The following PARP8 variants were observed in gnomAD, a reference collection of about 807,000 sequenced individuals.
PARP8 encodes the protein poly(ADP-ribose) polymerase family member 8.
In PARP8, 51 loss-of-function variants were observed where a neutral mutation model predicts 124.1. That is an observed-to-expected ratio of 0.41 (90% CI 0.33 to 0.52). The LOEUF (loss-of-function observed/expected upper bound fraction) is 0.52, where lower values mean the gene tolerates loss of function less well. Among genes scored for constraint, PARP8 ranks in the 20% least tolerant of loss-of-function variants. The pLI, the probability that PARP8 is intolerant of heterozygous loss-of-function variation, is 0.21. For synonymous variants in PARP8, 391 were observed against 361.5 expected (o/e 1.08, Z -0.93); for missense variants, 860 against 1,018.9 (o/e 0.84, Z 2.12).
chr5:50,763,844 G>C (rs114927848), intron 7 of PARP8, among the ~76,000 whole-genome samples: 237 of 152,206 alleles, frequency 1.6e-3, no homozygotes, highest in African/African-American at 5.5e-3. Flanking sequence ...CCAGGAGTCA[G>C]CTCTGGTTAT....
At chr5:50,799,031 T>G (rs1742890572) in intron 14 of PARP8, among the ~76,000 whole-genome samples, 1 of 152,238 alleles carries the variant, frequency 6.6e-6, no homozygotes, top group African/African-American at 2.4e-5. Flanking sequence ...TGTCATTTCA[T>G]TTTTTAAAGG....
chr5:50,823,870 G>T (rs1421651614), intron 17 of PARP8, among the ~76,000 whole-genome samples: 1 of 152,210 alleles, frequency 6.6e-6, no homozygotes, highest in Non-Finnish European at 1.5e-5. Context: ...TGTGACCTGT[G>T]ACCTTGGGCA....
intron 25 of PARP8, among the ~76,000 whole-genome samples, chr5:50,840,459 C>A (rs745951822): frequency 2.0e-5 from 3 of 151,674 alleles, no homozygotes; most frequent in African/African-American, 7.3e-5. Context: ...TGCTGGATGA[C>A]GGTACATCAA....
chr5:50,673,341 G>A (rs1269240053), intron 2 of PARP8, among the ~76,000 whole-genome samples: 1 of 152,038 alleles, frequency 6.6e-6, no homozygotes, highest in Non-Finnish European at 1.5e-5. Flanking sequence ...TTTAACATAA[G>A]TATAACTTTA....
At chr5:50,754,150 T>TATACAC (rs1312947286) in intron 3 of PARP8, among the ~76,000 whole-genome samples, 103 of 37,094 alleles carry the variant, frequency 2.8e-3, no homozygotes, top group Middle Eastern at 0.011. Flanking sequence ...TATATATATA[T>TATACAC]ACACACACAC....
intron 14 of PARP8, among the ~76,000 whole-genome samples, chr5:50,802,864 G>A (rs1743389453): frequency 6.6e-6 from 1 of 152,080 alleles, no homozygotes; most frequent in African/African-American, 2.4e-5. Flanking sequence ...ATATATTTGT[G>A]TGCAGTCCTT....
chr5:50,791,973 C>T (rs893053829), intron 10 of PARP8, among the ~76,000 whole-genome samples: 10 of 152,284 alleles, frequency 6.6e-5, no homozygotes, highest in East Asian at 5.8e-4. Flanking sequence ...ATAATACTGA[C>T]TGCTCTAGTG....
intron 4 of PARP8, among the ~76,000 whole-genome samples, 164 bp from the exon 5 acceptor site, chr5:50,760,128 G>A (rs1326364471): frequency 2.6e-5 from 4 of 152,070 alleles, no homozygotes; most frequent in Non-Finnish European, 5.9e-5. Flanking sequence ...AATAGCTTGC[G>A]TATTGTGTAA....
chr5:50,794,484 A>G (rs547297525), intron 11 of PARP8, 152 bp downstream of exon 11: 30 of 861,366 alleles, frequency 3.5e-5, no homozygotes, highest in Non-Finnish European at 4.7e-5. Context: ...CATCAAAAAC[A>G]TATTCATTTC....
At chr5:50,681,130 G>A (rs1234243728) in intron 2 of PARP8, among the ~76,000 whole-genome samples, 1 of 151,964 alleles carries the variant, frequency 6.6e-6, no homozygotes, top group Non-Finnish European at 1.5e-5. Context: ...ATAACTAGAA[G>A]AATCATACAA....
At chr5:50,752,180 T>C (rs1759331811) in intron 3 of PARP8, among the ~76,000 whole-genome samples, 1 of 152,100 alleles carries the variant, frequency 6.6e-6, no homozygotes, top group Admixed American at 6.6e-5. Flanking sequence ...TGTTGAGGTG[T>C]CATATCTACT....
chr5:50,796,907 A>G, intron 12 of PARP8, 75 bp from the exon 13 acceptor site: 1 of 1,265,034 alleles, frequency 7.9e-7, no homozygotes, highest in Non-Finnish European at 1.1e-6. Flanking sequence ...CACTATTGCA[A>G]AGAGTAAAAG....
chr5:50,671,780 A>G (rs1388811085), intron 2 of PARP8, among the ~76,000 whole-genome samples: 1 of 152,164 alleles, frequency 6.6e-6, no homozygotes, highest in Non-Finnish European at 1.5e-5. Flanking sequence ...TTTCCCAATT[A>G]AGGAGTATGA....
At chr5:50,709,889 G>C (rs1754555199) in intron 2 of PARP8, among the ~76,000 whole-genome samples, 1 of 136,410 alleles carries the variant, frequency 7.3e-6, no homozygotes, top group South Asian at 2.3e-4. Flanking sequence ...GTGTTGGGGG[G>C]GAGAGACTAT....
intron 23 of PARP8, among the ~76,000 whole-genome samples, chr5:50,833,143 A>G (rs1352532011): frequency 6.6e-6 from 1 of 152,142 alleles, no homozygotes. Context: ...CCTACATCCT[A>G]CTGAGGGGTA....
intron 9 of PARP8, among the ~76,000 whole-genome samples, chr5:50,780,029 A>G (rs1740492523): frequency 6.6e-6 from 1 of 152,152 alleles, no homozygotes; most frequent in Non-Finnish European, 1.5e-5. Flanking sequence ...AAGAAAAGGA[A>G]TTTCTCATAA....
At chr5:50,757,248 A>G (rs770330661) in intron 3 of PARP8, 4 of 441,250 alleles carry the variant, frequency 9.1e-6, no homozygotes, top group Admixed American at 2.5e-5. Context: ...ATTCCTAGAG[A>G]CCTATCAAGA....
At position 50,728,583 on chromosome 5, in the gene PARP8, A is replaced by T. The variant is rs1756664923; in HGVS notation, c.147-21568A>T. On this transcript the variant is annotated intron_variant, in intron 2 of 25. Coordinates refer to ENST00000281631, the MANE Select transcript of PARP8 (RefSeq NM_024615.4). ...CTCAGTTCCTAAAGAACTACACAGA[A>T]TTTTTTTTTTTTGGCACCCAAATAA... Among the ~76,000 whole-genome samples, 6 of 146,304 alleles carry T rather than the reference A, an allele frequency of 4.1e-5. 2 individuals are homozygous for T. In the South Asian group the frequency reaches 1.3e-3, roughly 32 times the overall value.
At chr5:50,716,015 G>A (rs1755274663) in intron 2 of PARP8, among the ~76,000 whole-genome samples, 1 of 152,062 alleles carries the variant, frequency 6.6e-6, no homozygotes, top group African/African-American at 2.4e-5. Flanking sequence ...TAAAATTGAT[G>A]TTGTAGCAAG....
Sources: allele counts gnomAD v4.1 joint callset (sites outside exome capture counted in the v4.1 genomes callset), GRCh38; gene constraint gnomAD v4.1.1; transcripts MANE v1.5; gene names NCBI Gene and HGNC (gene_info 2026-07-23, HGNC 2026-07-21).